Variants in PPP1R14C observed in about 807,000 individuals in gnomAD.
The protein encoded by PPP1R14C is protein phosphatase 1 regulatory subunit 14C.
In PPP1R14C, 16 loss-of-function variants were observed where a neutral mutation model predicts 20.4. That is an observed-to-expected ratio of 0.78 (90% CI 0.53 to 1.19). The LOEUF is 1.19. Ranked by LOEUF, PPP1R14C falls within the 50% of genes most tolerant of loss-of-function variation. The pLI, the probability that PPP1R14C is intolerant of heterozygous loss-of-function variation, is 0.00. For synonymous variants in PPP1R14C, 91 were observed against 91.0 expected (o/e 1.00, Z 0.00); for missense variants, 211 against 220.1 (o/e 0.96, Z 0.26).
chr6:150,207,515 C>T (rs535303804), intron 1 of PPP1R14C, among the ~76,000 whole-genome samples: 164 of 152,342 alleles, frequency 1.1e-3, no homozygotes, highest in South Asian at 8.3e-3. Flanking sequence ...ATGTACCTTC[C>T]TCAATCTGGA....
chr6:150,159,817 C>T (rs9384196), intron 1 of PPP1R14C, among the ~76,000 whole-genome samples: 7,614 of 152,206 alleles, frequency 0.05, 308 homozygotes, highest in East Asian at 0.2. Flanking sequence ...ATACTTTGTT[C>T]GGATTCTTTA....
At chr6:150,229,557 A>T (rs1255554526) in intron 3 of PPP1R14C, among the ~76,000 whole-genome samples, 1 of 152,224 alleles carries the variant, frequency 6.6e-6, no homozygotes, top group South Asian at 2.1e-4. Context: ...AATTAGCCCA[A>T]GAACAATGGA....
intron 1 of PPP1R14C, among the ~76,000 whole-genome samples, chr6:150,205,401 G>A (rs1019597828): frequency 2.0e-5 from 3 of 152,104 alleles, no homozygotes; most frequent in Non-Finnish European, 4.4e-5. Flanking sequence ...GTGTGAGCTT[G>A]GTACTTGTGA....
intron 1 of PPP1R14C, among the ~76,000 whole-genome samples, chr6:150,170,904 T>C (rs1280130513): frequency 2.6e-5 from 4 of 152,126 alleles, no homozygotes; most frequent in African/African-American, 4.8e-5. Flanking sequence ...TTTAACATTT[T>C]TTTACAAAAT....
intron 1 of PPP1R14C, among the ~76,000 whole-genome samples, chr6:150,166,326 C>A (rs986778913): frequency 1.6e-4 from 24 of 152,060 alleles, no homozygotes; most frequent in Middle Eastern, 3.2e-3. Flanking sequence ...ATGATCTACC[C>A]GCCTCGGCCT....
rs1778542054 is a variant in PPP1R14C, at chr6:150,249,764, T to C, written c.*944T>C. ...AAAGTTAGCAGATCGAGTGTCTTCTTCCTTAGAAATAGGTTCTGGTAGCTT... is the reference window on the plus strand; with the variant it reads ...AAAGTTAGCAGATCGAGTGTCTTCTCCCTTAGAAATAGGTTCTGGTAGCTT... On this transcript the variant is annotated 3_prime_UTR_variant, in exon 4 of 4. Coordinates refer to ENST00000361131, the MANE Select transcript of PPP1R14C (RefSeq NM_030949.3). 1 of 387,534 alleles carries C rather than the reference T, an allele frequency of 2.6e-6. No homozygotes were observed. The highest frequency in any genetic ancestry group is 3.7e-5 in the East Asian group (1 of 27,262). The allele number at this position is 387,534 out of a possible 1,614,324, so 24.0% of individuals were successfully genotyped here.
chr6:150,204,425 G>T (rs567495978), intron 1 of PPP1R14C, among the ~76,000 whole-genome samples: 1 of 152,080 alleles, frequency 6.6e-6, no homozygotes, highest in African/African-American at 2.4e-5. Flanking sequence ...TGAACAAATC[G>T]GTAATGTGAT....
chr6:150,224,510 A>C (rs540702520), intron 3 of PPP1R14C, among the ~76,000 whole-genome samples: 1 of 152,174 alleles, frequency 6.6e-6, no homozygotes, highest in East Asian at 1.9e-4. Flanking sequence ...ATTTCTGTCG[A>C]GATATCCTCA....
At chr6:150,230,837 A>T (rs912391397) in intron 3 of PPP1R14C, among the ~76,000 whole-genome samples, 1 of 151,988 alleles carries the variant, frequency 6.6e-6, no homozygotes, top group Admixed American at 6.6e-5. Flanking sequence ...ATTTGCAGTG[A>T]TACTGTAGTT....
chr6:150,196,453 C>CTTT (rs59863369), intron 1 of PPP1R14C, among the ~76,000 whole-genome samples: 88 of 146,798 alleles, frequency 6.0e-4, no homozygotes, highest in African/African-American at 2.1e-3. Flanking sequence ...CTTCTAAGGA[C>CTTT]TTTTTTTTTT....
At chr6:150,180,381 C>A (rs1319361184) in intron 1 of PPP1R14C, among the ~76,000 whole-genome samples, 1 of 152,192 alleles carries the variant, frequency 6.6e-6, no homozygotes, top group Non-Finnish European at 1.5e-5. Context: ...GGGCAAATAA[C>A]CCCGAGTCTC....
intron 1 of PPP1R14C, among the ~76,000 whole-genome samples, chr6:150,207,906 G>A (rs943274590): frequency 2.6e-5 from 4 of 152,084 alleles, no homozygotes; most frequent in African/African-American, 7.2e-5. Context: ...GTTCAAGGTC[G>A]AGGGGTCATA....
At chr6:150,237,205 C>CT (rs950665802) in intron 3 of PPP1R14C, among the ~76,000 whole-genome samples, 5 of 151,438 alleles carry the variant, frequency 3.3e-5, no homozygotes, top group Middle Eastern at 3.4e-3. Flanking sequence ...GTAGCATATT[C>CT]TTTTTTTTTG....
At chr6:150,196,037 T>C in intron 1 of PPP1R14C, 4 of 985,440 alleles carry the variant, frequency 4.1e-6, no homozygotes. Context: ...GGGATTCTCC[T>C]CTCTTGTGTC....
intron 3 of PPP1R14C, among the ~76,000 whole-genome samples, chr6:150,241,537 G>A (rs1778430611): frequency 6.6e-6 from 1 of 152,162 alleles, no homozygotes; most frequent in African/African-American, 2.4e-5. Flanking sequence ...AGTCAGGCTT[G>A]TGGGCCTGAG....
chr6:150,178,850 C>A (rs1393408888), intron 1 of PPP1R14C, among the ~76,000 whole-genome samples: 1 of 152,134 alleles, frequency 6.6e-6, no homozygotes, highest in East Asian at 1.9e-4. Context: ...ATTTCTTCAT[C>A]TGCAGAGGAG....
chr6:150,193,518 C>T lies in PPP1R14C; in HGVS notation c.307-21226C>T, dbSNP rs76787540. Reference sequence around the variant, plus strand: ...AAGATGAAGAAGAAGAGAGCTACGACGGGAAAGAGATCGGAAATGAGAAGA... The same window carrying T: ...AAGATGAAGAAGAAGAGAGCTACGATGGGAAAGAGATCGGAAATGAGAAGA... On this transcript the variant is annotated intron_variant, in intron 1 of 3. Transcript: ENST00000361131. Among the ~76,000 whole-genome samples, 1,222 of 151,048 alleles carry T rather than the reference C, an allele frequency of 8.1e-3. 18 individuals are homozygous for T. Among genetic ancestry groups the T allele is most frequent in the African/African-American group, 0.027 (1,104 of 41,198 alleles).
At chr6:150,156,253 A>G (rs1469430209) in intron 1 of PPP1R14C, among the ~76,000 whole-genome samples, 1 of 152,130 alleles carries the variant, frequency 6.6e-6, no homozygotes, top group Non-Finnish European at 1.5e-5. Flanking sequence ...ACTTTAAATA[A>G]GGCAAGGGAT....
chr6:150,210,968 A>G (rs1778017705), intron 1 of PPP1R14C, among the ~76,000 whole-genome samples: 1 of 152,082 alleles, frequency 6.6e-6, no homozygotes, highest in Non-Finnish European at 1.5e-5. Flanking sequence ...CCACATTTAG[A>G]ATTCATCTTG....
Sources: allele counts gnomAD v4.1 joint callset (sites outside exome capture counted in the v4.1 genomes callset), GRCh38; gene constraint gnomAD v4.1.1; transcripts MANE v1.5; gene names NCBI Gene and HGNC (gene_info 2026-07-23, HGNC 2026-07-21).